The following PTPRT variants were observed in gnomAD, a reference collection of about 807,000 sequenced individuals.
PTPRT encodes receptor-type tyrosine-protein phosphatase T.
Under a neutral mutation model 176.8 loss-of-function variants are expected in PTPRT, and 56 were observed. The ratio of observed to expected loss-of-function variants is 0.32; its 90% CI spans 0.26 to 0.40. PTPRT has a LOEUF of 0.40. Among genes scored for constraint, PTPRT ranks in the 10% least tolerant of loss-of-function variants. PTPRT has a pLI of 1.00. For synonymous variants in PTPRT, 783 were observed against 739.0 expected (o/e 1.06, Z -0.96); for missense variants, 1,540 against 1,908.2 (o/e 0.81, Z 3.60).
At position 43,130,877 on chromosome 20, in the gene PTPRT, A is replaced by G. The variant is rs6103161; in HGVS notation, c.88+58769T>C. Among the ~76,000 whole-genome samples, 827 of 152,294 alleles carry G rather than the reference A, an allele frequency of 5.4e-3. 7 individuals carry two copies. The highest frequency in any genetic ancestry group is 0.018 in the African/African-American group (764 of 41,558). On this transcript the variant is annotated intron_variant, in intron 1 of 30. Coordinates refer to ENST00000373187, the MANE Select transcript of PTPRT (RefSeq NM_007050.6). ...AAAGCAATATCTTTTTAAAAAATCAATGAAACGGAATAAAGCTCAGAAACA... is the reference window on the plus strand; with the variant it reads ...AAAGCAATATCTTTTTAAAAAATCAGTGAAACGGAATAAAGCTCAGAAACA...
chr20:42,579,448 G>T (rs2145719077), intron 7 of PTPRT, among the ~76,000 whole-genome samples: 1 of 152,216 alleles, frequency 6.6e-6, no homozygotes, highest in Non-Finnish European at 1.5e-5. Context: ...TGGGTCAAAT[G>T]GTATTTCCAG....
chr20:42,717,700 T>C (rs1194186008), intron 6 of PTPRT, among the ~76,000 whole-genome samples: 2 of 152,286 alleles, frequency 1.3e-5, no homozygotes, highest in Non-Finnish European at 2.9e-5. Flanking sequence ...ACAGATGCCA[T>C]TAATTAAGTG....
chr20:42,572,961 C>CT (rs76184453), intron 7 of PTPRT, among the ~76,000 whole-genome samples: 4,571 of 140,166 alleles, frequency 0.033, 126 homozygotes, highest in South Asian at 0.1. Context: ...AATTGATAGC[C>CT]TTTTTTTTTT....
chr20:42,353,433 G>T (rs868602264), intron 9 of PTPRT, among the ~76,000 whole-genome samples: 1 of 152,202 alleles, frequency 6.6e-6, no homozygotes, highest in South Asian at 2.1e-4. Context: ...TGTATATGGA[G>T]ATAGTTTGTC....
chr20:42,783,367 A>C (rs2077241610), intron 3 of PTPRT, among the ~76,000 whole-genome samples: 2 of 98,034 alleles, frequency 2.0e-5, no homozygotes, highest in Admixed American at 1.9e-4. Flanking sequence ...AGGACTCTTG[A>C]GAATCAACAA....
intron 6 of PTPRT, among the ~76,000 whole-genome samples, chr20:42,729,024 C>A (rs868825461): frequency 6.6e-6 from 1 of 152,032 alleles, no homozygotes; most frequent in Non-Finnish European, 1.5e-5. Flanking sequence ...ACTCAACTCA[C>A]AGAACAATCC....
At chr20:42,739,479 T>C (rs977851248) in intron 6 of PTPRT, among the ~76,000 whole-genome samples, 2 of 151,988 alleles carry the variant, frequency 1.3e-5, no homozygotes, top group African/African-American at 4.8e-5. Context: ...TTGTGACCTT[T>C]TGAATGCATA....
At chr20:42,723,861 C>A (rs919846007) in intron 6 of PTPRT, among the ~76,000 whole-genome samples, 1 of 152,326 alleles carries the variant, frequency 6.6e-6, no homozygotes, top group Non-Finnish European at 1.5e-5. Flanking sequence ...CCTTGCTCTC[C>A]TATCTGGACA....
At chr20:42,164,948 A>G (rs757603043) in intron 16 of PTPRT, among the ~76,000 whole-genome samples, 7 of 152,098 alleles carry the variant, frequency 4.6e-5, no homozygotes, top group Non-Finnish European at 8.8e-5. Context: ...TTTATCGTGC[A>G]ATAATATTTT....
chr20:42,076,674 C>A lies in PTPRT; in HGVS notation c.*4205G>T. ...ATTCTAGGGTCAAGCTGAAGACCAG[C>A]TGACCTAGGGTCCGTCATAGCGGGG... On this transcript the variant is annotated 3_prime_UTR_variant, in exon 31 of 31. Coordinates refer to ENST00000373187, the MANE Select transcript of PTPRT (RefSeq NM_007050.6). 5.0e-6 allele frequency: 1 copy of A among 198,904 alleles called. No homozygotes were observed. Among genetic ancestry groups the A allele is most frequent in the Non-Finnish European group, 1.0e-5 (1 of 96,304 alleles). The allele number at this position is 198,904 out of a possible 1,614,324, so 12.3% of individuals were successfully genotyped here.
intron 1 of PTPRT, among the ~76,000 whole-genome samples, chr20:43,134,829 G>C (rs960492955): frequency 3.9e-5 from 6 of 152,132 alleles, no homozygotes; most frequent in African/African-American, 1.4e-4. Context: ...TATCCTTTTT[G>C]ACATCCTGAT....
At chr20:42,817,705 G>T (rs192925658) in intron 2 of PTPRT, among the ~76,000 whole-genome samples, 1 of 152,164 alleles carries the variant, frequency 6.6e-6, no homozygotes, top group Admixed American at 6.5e-5. Context: ...AGGCTGGAGG[G>T]CTTGATCCCA....
At chr20:42,308,881 C>A (rs899617374) in intron 12 of PTPRT, among the ~76,000 whole-genome samples, 3 of 152,190 alleles carry the variant, frequency 2.0e-5, no homozygotes, top group African/African-American at 4.8e-5. Flanking sequence ...CCTAACCTAG[C>A]TCTACCTAGA....
intron 1 of PTPRT, among the ~76,000 whole-genome samples, chr20:42,944,229 CG>C (rs1409017055): frequency 1.3e-5 from 2 of 151,902 alleles, no homozygotes; most frequent in African/African-American, 4.8e-5. Flanking sequence ...ATTTTAGAGC[CG>C]GGGGGCGGAA....
intron 2 of PTPRT, among the ~76,000 whole-genome samples, chr20:42,884,631 A>G (rs2079074779): frequency 6.6e-6 from 1 of 152,170 alleles, no homozygotes; most frequent in Non-Finnish European, 1.5e-5. Context: ...AACCACAGAA[A>G]GAACACCCAG....
intron 6 of PTPRT, among the ~76,000 whole-genome samples, chr20:42,682,020 T>C (rs921171100): frequency 1.5e-4 from 23 of 152,200 alleles, no homozygotes; most frequent in African/African-American, 4.8e-4. Flanking sequence ...CATAGTGACC[T>C]GAGGGGCAGG....
intron 1 of PTPRT, among the ~76,000 whole-genome samples, chr20:43,126,376 A>G (rs1449572986): frequency 2.6e-5 from 4 of 152,066 alleles, no homozygotes; most frequent in Admixed American, 6.6e-5. Flanking sequence ...AGAAAGAAAA[A>G]AAAAAGATTA....
chr20:42,285,469 T>G (rs1444343517), intron 12 of PTPRT, among the ~76,000 whole-genome samples: 2 of 152,066 alleles, frequency 1.3e-5, no homozygotes, highest in African/African-American at 4.8e-5. Context: ...ATATGTATCT[T>G]CACTTTAAAG....
chr20:42,720,431 T>C (rs2076286801), intron 6 of PTPRT, among the ~76,000 whole-genome samples: 1 of 152,154 alleles, frequency 6.6e-6, no homozygotes, highest in Non-Finnish European at 1.5e-5. Context: ...AGGTGAGATG[T>C]GTGTTGCAGA....
Sources: gnomAD v4.1 joint callset for allele counts (sites outside exome capture counted in the v4.1 genomes callset) on GRCh38, gnomAD v4.1.1 for gene constraint, MANE v1.5 for transcripts, NCBI Gene and HGNC (gene_info 2026-07-23, HGNC 2026-07-21) for gene names.